The following CLNK variants were observed in gnomAD, a reference collection of about 807,000 sequenced individuals.
CLNK encodes cytokine dependent hematopoietic cell linker, also known as cytokine-dependent hematopoietic cell linker.
A neutral mutation model predicts 68.6 loss-of-function variants in CLNK; 74 were observed. That is an observed-to-expected ratio of 1.08 (90% CI 0.89 to 1.31). The LOEUF (loss-of-function observed/expected upper bound fraction) is 1.31, where lower values mean the gene tolerates loss of function less well. CLNK is among the 50% of genes most tolerant of loss of function. CLNK has a pLI of 0.00. For synonymous variants in CLNK, 198 were observed against 172.2 expected (o/e 1.15, Z -1.17); for missense variants, 553 against 515.3 (o/e 1.07, Z -0.71).
chr4:10,666,474 G>T (rs1234951540), intron 2 of CLNK, among the ~76,000 whole-genome samples: 2 of 152,150 alleles, frequency 1.3e-5, no homozygotes, highest in Admixed American at 1.3e-4. Flanking sequence ...CTCCCTTACT[G>T]GTGCCTTCTC....
At chr4:10,536,108 G>A (rs1718751445) in intron 11 of CLNK, among the ~76,000 whole-genome samples, 1 of 152,140 alleles carries the variant, frequency 6.6e-6, no homozygotes, top group Admixed American at 6.6e-5. Flanking sequence ...CACAATAGCT[G>A]GAACCACAAA....
At chr4:10,592,690 T>C (rs2108841983) in intron 3 of CLNK, among the ~76,000 whole-genome samples, 1 of 151,836 alleles carries the variant, frequency 6.6e-6, no homozygotes, top group East Asian at 1.9e-4. Flanking sequence ...GAGCATCTAC[T>C]TGTTGTTTGT....
intron 2 of CLNK, among the ~76,000 whole-genome samples, chr4:10,618,928 A>C (rs958003043): frequency 7.2e-5 from 11 of 152,240 alleles, no homozygotes; most frequent in African/African-American, 2.7e-4. Context: ...ACTGGACCTG[A>C]GATTTGGGTG....
the CLNK span, among the ~76,000 whole-genome samples, chr4:10,704,974 G>A: frequency 6.6e-6 from 1 of 152,184 alleles, no homozygotes; most frequent in African/African-American, 2.4e-5. Flanking sequence ...TCTGAGTGCT[G>A]AGAGGCCAGG....
chr4:10,595,885 A>G (rs574053315), intron 3 of CLNK, among the ~76,000 whole-genome samples: 26 of 152,296 alleles, frequency 1.7e-4, no homozygotes, highest in African/African-American at 6.3e-4. Flanking sequence ...CATAGTGAGC[A>G]CTCAGTGACT....
At chr4:10,667,718 ATCTC>A in intron 2 of CLNK, 137 bp downstream of exon 2, 2 of 611,432 alleles carry the variant, frequency 3.3e-6, no homozygotes, top group Non-Finnish European at 5.4e-6. Context: ...AAAGCCCACA[ATCTC>A]AACCATGGCC....
chr4:10,641,470 A>G (rs565170890), intron 2 of CLNK, among the ~76,000 whole-genome samples: 15 of 152,282 alleles, frequency 9.9e-5, no homozygotes, highest in African/African-American at 3.1e-4. Flanking sequence ...TGGAGACCCC[A>G]TTGCCCTTGG....
upstream of CLNK, among the ~76,000 whole-genome samples, chr4:10,685,349 C>T (rs976620770): frequency 6.6e-6 from 1 of 151,852 alleles, no homozygotes; most frequent in South Asian, 2.1e-4. Context: ...ATTATATTTC[C>T]TTCATTGAGG....
At chr4:10,531,883 A>G in intron 12 of CLNK, 1 of 472,488 alleles carries the variant, frequency 2.1e-6, no homozygotes, top group South Asian at 1.6e-5. Flanking sequence ...TCTACTTTGC[A>G]TTCCTGTATT....
the CLNK span, among the ~76,000 whole-genome samples, chr4:10,706,744 A>G: frequency 1.3e-5 from 2 of 152,256 alleles, no homozygotes; most frequent in East Asian, 3.9e-4. Flanking sequence ...GGGCCACTCA[A>G]CAAGGCACTG....
chr4:10,682,436 A>G (rs1403332878), intron 1 of CLNK, among the ~76,000 whole-genome samples: 2 of 152,202 alleles, frequency 1.3e-5, no homozygotes, highest in East Asian at 1.9e-4. Flanking sequence ...TCAGAAAAGG[A>G]TGCTTCTAGA....
At chr4:10,643,035 G>T (rs1723370876) in intron 2 of CLNK, among the ~76,000 whole-genome samples, 1 of 152,154 alleles carries the variant, frequency 6.6e-6, no homozygotes, top group African/African-American at 2.4e-5. Context: ...TGGAAAAATA[G>T]ACATGATACT....
At chr4:10,508,212 GGCAGAGAGACAGAAAAAGTTACT>G (rs1452488422) in intron 16 of CLNK, among the ~76,000 whole-genome samples, 176 bp from the exon 17 acceptor site, 1 of 152,132 alleles carries the variant, frequency 6.6e-6, no homozygotes, top group East Asian at 1.9e-4. Context: ...AGATGCTTGG[GGCAGAGAGACAGAAAAAGTTACT>G]GCAGCTGGGG....
intron 4 of CLNK, among the ~76,000 whole-genome samples, chr4:10,572,258 A>G (rs2108828517): frequency 6.6e-6 from 1 of 152,384 alleles, no homozygotes; most frequent in Admixed American, 6.5e-5. Flanking sequence ...CAGAAGTCAT[A>G]GCTATTCATT....
the CLNK span, among the ~76,000 whole-genome samples, chr4:10,719,194 C>T: frequency 9.9e-5 from 15 of 151,896 alleles, no homozygotes; most frequent in Non-Finnish European, 2.1e-4. Context: ...TAAGCCCTAA[C>T]GTATCAGTAG....
chr4:10,667,786 A>T, intron 2 of CLNK, 73 bp downstream of exon 2: 3 of 1,415,252 alleles, frequency 2.1e-6, no homozygotes, highest in Non-Finnish European at 2.9e-6. Context: ...TTCTCAGTTC[A>T]TCTTCCAGAA....
chr4:10,528,083 T>C lies in CLNK; in HGVS notation c.642A>G (p.Ala214=). 1 of 1,361,036 alleles carries C rather than the reference T, an allele frequency of 7.3e-7. No homozygotes were observed. 84.3% of individuals were successfully genotyped at this position (1,361,036 alleles called of 1,614,324 possible). A position where few individuals can be genotyped will look rare whatever the true frequency, so the allele number is the denominator to read the frequency against. ...SLRDLSEVLE[A]EKVPHNQRKP... ...CAAATGTAAACAATTCACCTTTTTC[T>C]GCTTCAAGGACCTGTATTGAATTAA... Residue 214 remains alanine, a synonymous_variant, in exon 13 of 19, where the codon GCA becomes GCG. Coordinates refer to ENST00000226951, the MANE Select transcript of CLNK (RefSeq NM_052964.4).
intron 16 of CLNK, among the ~76,000 whole-genome samples, chr4:10,510,599 CT>C (rs1717534844): frequency 6.6e-6 from 1 of 152,188 alleles, no homozygotes; most frequent in African/African-American, 2.4e-5. Flanking sequence ...TCAGACACGC[CT>C]CATAGCTCTT....
At chr4:10,604,027 G>T (rs988328709) in intron 2 of CLNK, among the ~76,000 whole-genome samples, 2 of 152,212 alleles carry the variant, frequency 1.3e-5, no homozygotes, top group Non-Finnish European at 2.9e-5. Flanking sequence ...TCCCCGGGGA[G>T]CGAGTAGACT....
Sources: gnomAD v4.1 joint callset for allele counts (sites outside exome capture counted in the v4.1 genomes callset) on GRCh38, gnomAD v4.1.1 for gene constraint, MANE v1.5 for transcripts, NCBI Gene and HGNC (gene_info 2026-07-23, HGNC 2026-07-21) for gene names.